SEC63: variants seen among roughly 807,000 people sequenced by gnomAD.
The protein encoded by SEC63 is SEC63 protein translocation regulator, also known as translocation protein SEC63 homolog.
SEC63 carries 56 observed loss-of-function variants against 116.2 expected under a neutral mutation model. That is an observed-to-expected ratio of 0.48 (90% CI 0.39 to 0.60). SEC63 has a LOEUF of 0.60. SEC63 is among the 20% of genes least tolerant of loss of function. The pLI is 0.00. For synonymous variants in SEC63, 273 were observed against 294.6 expected, an observed-to-expected ratio of 0.93 and a Z score of 0.75; for missense variants, 668 against 900.0, an observed-to-expected ratio of 0.74 and a Z score of 3.30.
chr6:107,912,807 T>C (rs757433257), intron 5 of SEC63, 33 bp from the exon 6 acceptor site: 4 of 1,496,072 alleles, frequency 2.7e-6, no homozygotes, highest in East Asian at 2.3e-5. Flanking sequence ...TTCTGAAGAA[T>C]CTCTACTTTC....
chr6:107,941,989 A>G (rs1770388028), intron 1 of SEC63, among the ~76,000 whole-genome samples: 1 of 152,250 alleles, frequency 6.6e-6, no homozygotes, highest in Non-Finnish European at 1.5e-5. Context: ...ATTAGCAGTA[A>G]TTTTTAATTT....
chr6:107,941,469 C>T (rs1352741293), intron 1 of SEC63, among the ~76,000 whole-genome samples: 4 of 151,010 alleles, frequency 2.6e-5, no homozygotes, highest in African/African-American at 7.3e-5. Flanking sequence ...TGCCACTATC[C>T]ACAGCCTTGG....
At chr6:107,955,841 C>T in intron 1 of SEC63, 1 of 186,754 alleles carries the variant, frequency 5.4e-6, no homozygotes, top group Non-Finnish European at 1.1e-5. Flanking sequence ...CAAGATCAAG[C>T]CACTGCACTC....
chr6:107,876,168 C>T (rs921560879), intron 19 of SEC63, among the ~76,000 whole-genome samples: 2 of 152,134 alleles, frequency 1.3e-5, no homozygotes, highest in African/African-American at 4.8e-5. Context: ...ACCACGTAAT[C>T]AAAAATTCCA....
chr6:107,958,042 G>C lies in SEC63; in HGVS notation c.-33C>G. On this transcript the variant is annotated 5_prime_UTR_variant, in exon 1 of 21. Coordinates refer to ENST00000369002, the MANE Select transcript of SEC63 (RefSeq NM_007214.5). The stretch of plus-strand genomic sequence containing the variant: ...CCTCCTCCGCCTCGCTCTTCTCACC[G>C]CCGCCGCCACGACCACGCTCTGCAC... 1 of 1,610,740 alleles carries C rather than the reference G, an allele frequency of 6.2e-7. No individual in the cohort carries two copies. Among genetic ancestry groups the C allele is most frequent in the Non-Finnish European group, 8.5e-7 (1 of 1,178,468 alleles).
At chr6:107,955,915 T>C in intron 1 of SEC63, 2 of 283,914 alleles carry the variant, frequency 7.0e-6, no homozygotes, top group South Asian at 3.1e-5. Context: ...AATAAATAAA[T>C]AGTATGATTC....
At chr6:107,893,393 A>G (rs1264863542) in intron 16 of SEC63, 89 bp downstream of exon 16, 3 of 1,328,062 alleles carry the variant, frequency 2.3e-6, no homozygotes, top group Non-Finnish European at 3.2e-6. Context: ...AAATTATGTA[A>G]AACTTTTGAA....
At chr6:107,875,020 A>ATTTTGT (rs200748348) in intron 19 of SEC63, among the ~76,000 whole-genome samples, 2 of 151,942 alleles carry the variant, frequency 1.3e-5, no homozygotes, top group South Asian at 2.1e-4. Context: ...AAGGTCCTGG[A>ATTTTGT]TTTTGTTTTT....
chr6:107,911,042 T>C (rs1787272706), intron 7 of SEC63: 1 of 346,016 alleles, frequency 2.9e-6, no homozygotes, highest in Admixed American at 4.4e-5. Flanking sequence ...TGGGAGGATA[T>C]ACACATCATG....
Position 107,870,727 on chromosome 6 carries a change from G to A in SEC63, c.*977C>T, listed in dbSNP as rs1487638571. 6.6e-6 allele frequency: 1 copy of A among 152,086 alleles called. No individual in the cohort carries two copies. Among genetic ancestry groups the A allele is most frequent in the African/African-American group, 2.4e-5 (1 of 41,414 alleles). The allele number at this position is 152,086 out of a possible 1,614,324, so 9.4% of individuals were successfully genotyped here. On this transcript the variant is annotated 3_prime_UTR_variant, in exon 21 of 21. Transcript: ENST00000369002. ...TAAAGAAGTGGATTGCCCTATTTAT[G>A]TCCTGATAGTAAAAAGACACACACC...
intron 4 of SEC63, 90 bp downstream of exon 4, chr6:107,921,707 C>T: frequency 1.2e-6 from 1 of 854,316 alleles, no homozygotes; most frequent in South Asian, 1.3e-5. Flanking sequence ...CTGCCTCAGC[C>T]TCCCAAAGTA....
intron 10 of SEC63, among the ~76,000 whole-genome samples, chr6:107,905,667 A>G (rs1442600981): frequency 6.6e-6 from 1 of 152,182 alleles, no homozygotes; most frequent in East Asian, 1.9e-4. Context: ...CCACTGTCGG[A>G]GGAAGCTTGT....
Position 107,911,257 on chromosome 6 carries a change from T to G in SEC63, c.624+89A>C. 3.4e-6 allele frequency: 3 copies of G among 888,020 alleles called. No homozygotes were observed. The South Asian group carries it at 4.2e-5, about 12-fold the overall frequency. The allele number at this position is 888,020 out of a possible 1,614,324, so 55.0% of individuals were successfully genotyped here. A position where few individuals can be genotyped will look rare whatever the true frequency, so the allele number is the denominator to read the frequency against. On this transcript the variant is annotated intron_variant, in intron 7 of 20. Transcript: ENST00000369002. ...ATTCAAGGATCAATGGGTTATATTC[T>G]AACATACATTTAAAATGTTATAGGG...
intron 3 of SEC63, among the ~76,000 whole-genome samples, chr6:107,922,133 A>C (rs1787572565): frequency 6.6e-6 from 1 of 152,214 alleles, no homozygotes; most frequent in South Asian, 2.1e-4. Flanking sequence ...TTGAGCACCT[A>C]CTATGTGCCA....
chr6:107,894,715 A>G (rs922172060), intron 14 of SEC63, among the ~76,000 whole-genome samples: 1 of 152,140 alleles, frequency 6.6e-6, no homozygotes, highest in African/African-American at 2.4e-5. Context: ...TTTAGGCTCT[A>G]TACAATAAAA....
chr6:107,945,555 C>T (rs1236541693), intron 1 of SEC63, among the ~76,000 whole-genome samples: 1 of 151,970 alleles, frequency 6.6e-6, no homozygotes, highest in South Asian at 2.1e-4. Flanking sequence ...CCACCCCCCT[C>T]GGCCTCCCAA....
intron 16 of SEC63, chr6:107,883,551 T>A (rs941787807): frequency 5.6e-6 from 1 of 179,228 alleles, no homozygotes; most frequent in African/African-American, 2.4e-5. Context: ...TCTTAGCACT[T>A]TGGAAGGCAG....
At position 107,896,218 on chromosome 6, in the gene SEC63, C is replaced by A. The variant is rs989928103; in HGVS notation, c.1440+1431G>T. On this transcript the variant is annotated intron_variant, in intron 14 of 20. Transcript: ENST00000369002. ...GTTGCTCATGCCTGCAACCCCAGCA[C>A]GTTGGGAGACCAAGGTGGGTGGATC... is the stretch of plus-strand genomic sequence containing the variant. Among the ~76,000 whole-genome samples the A allele has an allele frequency of 2.6e-5, 4 of 152,184 alleles. No homozygotes were observed. In the East Asian group the frequency reaches 5.8e-4, roughly 22 times the overall value.
intron 14 of SEC63, among the ~76,000 whole-genome samples, chr6:107,894,902 T>C (rs1786777760): frequency 6.6e-6 from 1 of 152,100 alleles, no homozygotes; most frequent in South Asian, 2.1e-4. Context: ...CCACCTGCTT[T>C]TTAAAACAAA....
Sources: gnomAD v4.1 joint callset for allele counts (sites outside exome capture counted in the v4.1 genomes callset) on GRCh38, gnomAD v4.1.1 for gene constraint, MANE v1.5 for transcripts, NCBI Gene and HGNC (gene_info 2026-07-23, HGNC 2026-07-21) for gene names.